Variants in PCCA observed in about 807,000 individuals in gnomAD.
The protein encoded by PCCA is propionyl-CoA carboxylase subunit alpha.
A neutral mutation model predicts 101.3 loss-of-function variants in PCCA; 74 were observed. The ratio of observed to expected loss-of-function variants is 0.73; its 90% CI spans 0.61 to 0.89. PCCA has a LOEUF of 0.89. PCCA is among the 40% of genes least tolerant of loss of function. The pLI is 0.00. For missense variants in PCCA, 891 were observed against 907.0 expected (o/e 0.98, Z 0.23); for synonymous variants, 294 against 313.6 (o/e 0.94, Z 0.66).
chr13:100,239,571 A>G (rs2060998183), intron 8 of PCCA, among the ~76,000 whole-genome samples: 1 of 152,126 alleles, frequency 6.6e-6, no homozygotes, highest in African/African-American at 2.4e-5. Context: ...GACCTATCTA[A>G]GTTGAGAGAT....
intron 4 of PCCA, chr13:100,150,830 A>G (rs890620010): frequency 1.3e-6 from 2 of 1,583,660 alleles, no homozygotes; most frequent in East Asian, 4.5e-5. Flanking sequence ...TAGCTGGTTA[A>G]CACCATGATG....
chr13:100,388,058 C>T (rs942583430), intron 19 of PCCA, among the ~76,000 whole-genome samples: 3 of 152,136 alleles, frequency 2.0e-5, no homozygotes, highest in East Asian at 1.9e-4. Flanking sequence ...AAACTTTCAG[C>T]GTTGATACCA....
At chr13:100,179,468 G>T (rs2056575659) in intron 6 of PCCA, among the ~76,000 whole-genome samples, 2 of 152,168 alleles carry the variant, frequency 1.3e-5, no homozygotes, top group Admixed American at 6.5e-5. Flanking sequence ...TTTTAGGGAA[G>T]TGAGGTCATG....
At chr13:100,275,006 G>T (rs2063543277) in intron 12 of PCCA, among the ~76,000 whole-genome samples, 1 of 131,472 alleles carries the variant, frequency 7.6e-6, no homozygotes, top group Non-Finnish European at 1.6e-5. Context: ...GCATACTTAT[G>T]CCTGAAAACA....
chr13:100,341,508 C>T (rs990202254), intron 18 of PCCA, among the ~76,000 whole-genome samples: 44 of 151,974 alleles, frequency 2.9e-4, no homozygotes, highest in Non-Finnish European at 4.4e-4. Flanking sequence ...TTACCGGAAA[C>T]GTGGCTACAT....
At chr13:100,466,553 G>A (rs1441064879) in intron 21 of PCCA, among the ~76,000 whole-genome samples, 1 of 152,228 alleles carries the variant, frequency 6.6e-6, no homozygotes, top group Non-Finnish European at 1.5e-5. Context: ...ACACTGCAAA[G>A]TCAAAGTACC....
intron 6 of PCCA, among the ~76,000 whole-genome samples, chr13:100,206,295 C>G (rs182648037): frequency 5.3e-5 from 8 of 152,192 alleles, no homozygotes; most frequent in African/African-American, 1.9e-4. Context: ...GAGACAGAGT[C>G]TCACTCTGTT....
At chr13:100,459,934 G>A (rs1485249005) in intron 21 of PCCA, among the ~76,000 whole-genome samples, 4 of 152,174 alleles carry the variant, frequency 2.6e-5, no homozygotes, top group East Asian at 1.9e-4. Flanking sequence ...TGTTAAGGGC[G>A]CTAATCCCAT....
At chr13:100,343,932 A>G (rs2152760900) in intron 18 of PCCA, among the ~76,000 whole-genome samples, 1 of 152,286 alleles carries the variant, frequency 6.6e-6, no homozygotes, top group South Asian at 2.1e-4. Context: ...AAAATTAGCC[A>G]GGCTTGGTGG....
At chr13:100,451,699 C>T (rs1276574350) in intron 21 of PCCA, among the ~76,000 whole-genome samples, 12 of 140,510 alleles carry the variant, frequency 8.5e-5, no homozygotes, top group African/African-American at 3.2e-4. Context: ...TCTCCTCTTC[C>T]CCTCCTCTCC....
At chr13:100,427,203 C>T (rs1280199377) in intron 20 of PCCA, among the ~76,000 whole-genome samples, 2 of 152,160 alleles carry the variant, frequency 1.3e-5, no homozygotes, top group Non-Finnish European at 2.9e-5. Context: ...GGCAACAGAA[C>T]AAGACTCTGT....
At chr13:100,284,559 C>A (rs1406926603) in intron 12 of PCCA, among the ~76,000 whole-genome samples, 2 of 152,178 alleles carry the variant, frequency 1.3e-5, no homozygotes, top group Non-Finnish European at 2.9e-5. Context: ...CCTGCAACAC[C>A]CCAATTCTAG....
chr13:100,311,246 AT>A (rs397691091), intron 16 of PCCA, among the ~76,000 whole-genome samples: 3 of 150,204 alleles, frequency 2.0e-5, no homozygotes, highest in Non-Finnish European at 4.4e-5. Context: ...GAAAAAAAAA[AT>A]TTTTTTTTAA....
intron 12 of PCCA, among the ~76,000 whole-genome samples, chr13:100,275,028 T>A (rs1325539766): frequency 7.4e-6 from 1 of 135,488 alleles, no homozygotes; most frequent in Non-Finnish European, 1.6e-5. Flanking sequence ...TGTCAACTCT[T>A]CTTCCGTTAG....
intron 20 of PCCA, among the ~76,000 whole-genome samples, chr13:100,432,784 G>A (rs1404907535): frequency 1.3e-5 from 2 of 152,054 alleles, no homozygotes; most frequent in African/African-American, 4.8e-5. Context: ...AGAAAAAGGG[G>A]GTTGAGTTTG....
rs1187796730 is a variant in PCCA, at chr13:100,268,669, A to C, written c.820-20A>C. 1.2e-5 allele frequency: 19 copies of C among 1,564,980 alleles called. No homozygotes were observed. The highest frequency in any genetic ancestry group is 1.7e-5 in the Non-Finnish European group (19 of 1,135,350). On this transcript the variant is annotated intron_variant, in intron 10 of 23. Transcript: ENST00000376285. The stretch of plus-strand genomic sequence containing the variant: ...TGTGGGTGTGGTTATATGGTTTTTC[A>C]AATGGTATTGCTCTTTCAGGTTCTA...
chr13:100,528,729 T>C (rs2153009396), intron 23 of PCCA, among the ~76,000 whole-genome samples: 1 of 152,310 alleles, frequency 6.6e-6, no homozygotes, highest in Non-Finnish European at 1.5e-5. Context: ...TAGAATGACA[T>C]GATTTGTGGC....
chr13:100,232,351 C>CGTGTGCGCGT (rs1555387984), intron 7 of PCCA, among the ~76,000 whole-genome samples: 1 of 131,180 alleles, frequency 7.6e-6, no homozygotes, highest in East Asian at 2.2e-4. Flanking sequence ...TGTGTGTATG[C>CGTGTGCGCGT]GTGTGTGTGT....
intron 19 of PCCA, among the ~76,000 whole-genome samples, chr13:100,374,854 G>A (rs1040818747): frequency 6.6e-6 from 1 of 152,116 alleles, no homozygotes; most frequent in Non-Finnish European, 1.5e-5. Context: ...GGTTTTTCGT[G>A]TCTCTGTCTC....
Sources: gnomAD v4.1 joint callset for allele counts (sites outside exome capture counted in the v4.1 genomes callset) on GRCh38, gnomAD v4.1.1 for gene constraint, MANE v1.5 for transcripts, NCBI Gene and HGNC (gene_info 2026-07-23, HGNC 2026-07-21) for gene names.